The following PPP1R9A variants were observed in gnomAD, a reference collection of about 807,000 sequenced individuals.
The protein encoded by PPP1R9A is neurabin-1.
In PPP1R9A, 59 loss-of-function variants were observed where a neutral mutation model predicts 141.9. That is an observed-to-expected ratio of 0.42 (90% CI 0.34 to 0.52). The LOEUF is 0.52. Ranked by LOEUF, PPP1R9A falls within the 20% of genes least tolerant of loss-of-function variation. PPP1R9A has a pLI of 0.10. For synonymous variants in PPP1R9A, 500 were observed against 569.7 expected (o/e 0.88, Z 1.74); for missense variants, 1,444 against 1,611.9 (o/e 0.90, Z 1.78).
chr7:95,135,003 C>G (rs1825388571), intron 4 of PPP1R9A, among the ~76,000 whole-genome samples: 1 of 152,164 alleles, frequency 6.6e-6, no homozygotes, highest in Non-Finnish European at 1.5e-5. Flanking sequence ...CATCTATTCT[C>G]AGTCTTCTTG....
At chr7:95,047,301 T>G (rs532346901) in intron 2 of PPP1R9A, among the ~76,000 whole-genome samples, 2 of 152,316 alleles carry the variant, frequency 1.3e-5, no homozygotes, top group African/African-American at 4.8e-5. Context: ...TAGAGTACAT[T>G]TTTTAGTTGA....
intron 16 of PPP1R9A, among the ~76,000 whole-genome samples, chr7:95,276,000 C>T (rs1803114532): frequency 1.3e-5 from 2 of 151,862 alleles, no homozygotes; most frequent in South Asian, 2.1e-4. Context: ...TTGTGTGGTT[C>T]GGGAGTGAGA....
chr7:95,209,807 T>C lies in PPP1R9A; in HGVS notation c.1956+6077T>C, dbSNP rs115057779. On this transcript the variant is annotated intron_variant, in intron 7 of 19. Transcript: ENST00000433360. ...AAACACCATATTTTTCAACATTCAA[T>C]TACTTGTACAATTATAGAATTACTA... is the stretch of plus-strand genomic sequence containing the variant. 8.8e-3 allele frequency among the ~76,000 whole-genome samples: 1,344 copies of C among 152,326 alleles called. 16 individuals carry two copies. The highest frequency in any genetic ancestry group is 0.031 in the African/African-American group (1,291 of 41,572).
intron 7 of PPP1R9A, among the ~76,000 whole-genome samples, chr7:95,212,810 T>C (rs1375022020): frequency 2.6e-5 from 4 of 152,184 alleles, no homozygotes. Flanking sequence ...AAGGAGAAAG[T>C]CCTGGGTTTC....
intron 7 of PPP1R9A, among the ~76,000 whole-genome samples, chr7:95,205,415 T>G (rs1790570970): frequency 6.6e-6 from 1 of 152,226 alleles, no homozygotes; most frequent in Non-Finnish European, 1.5e-5. Flanking sequence ...AATATTACAA[T>G]GATGAAACAC....
chr7:95,033,622 C>G (rs1001494029), intron 2 of PPP1R9A, among the ~76,000 whole-genome samples: 1 of 152,058 alleles, frequency 6.6e-6, no homozygotes, highest in Non-Finnish European at 1.5e-5. Flanking sequence ...TCTCCTGTAT[C>G]CTAAAAGTTT....
chr7:95,254,696 T>C (rs993092722), intron 12 of PPP1R9A, among the ~76,000 whole-genome samples: 1 of 151,860 alleles, frequency 6.6e-6, no homozygotes, highest in African/African-American at 2.4e-5. Context: ...AATGAAATAG[T>C]AAAAGGAAGG....
Position 95,290,409 on chromosome 7 carries a change from T to TG in PPP1R9A, c.*107dup. ...AAAAGAAACTAAATGATAAGGGTAA[T>TG]GCGGCTCTAGGCCGGCTGAGGAACT... On this transcript the variant is annotated 3_prime_UTR_variant, in exon 20 of 20. Coordinates refer to ENST00000433360, the MANE Select transcript of PPP1R9A (RefSeq NM_001166160.2). The TG allele has an allele frequency of 7.8e-7, 1 of 1,287,036 alleles. No individual in the cohort carries two copies. The highest frequency in any genetic ancestry group is 1.1e-6 in the Non-Finnish European group (1 of 949,124). The allele number at this position is 1,287,036 out of a possible 1,614,324, so 79.7% of individuals were successfully genotyped here. A position where few individuals can be genotyped will look rare whatever the true frequency, so the allele number is the denominator to read the frequency against.
chr7:95,109,138 G>A (rs113061856), intron 2 of PPP1R9A, among the ~76,000 whole-genome samples: 1 of 152,166 alleles, frequency 6.6e-6, no homozygotes, highest in African/African-American at 2.4e-5. Flanking sequence ...GTGTATGTGT[G>A]TGTATATATA....
At chr7:94,959,896 A>G (rs898645250) in intron 2 of PPP1R9A, among the ~76,000 whole-genome samples, 5 of 151,654 alleles carry the variant, frequency 3.3e-5, no homozygotes, top group African/African-American at 4.8e-5. Flanking sequence ...AATTTTCTCA[A>G]TTATTTGAGG....
chr7:95,196,604 A>G (rs1481567185), intron 5 of PPP1R9A, among the ~76,000 whole-genome samples: 1 of 152,158 alleles, frequency 6.6e-6, no homozygotes, highest in Non-Finnish European at 1.5e-5. Flanking sequence ...ATTGAATACA[A>G]TGGAAAACTA....
At chr7:95,004,428 A>G (rs184314902) in intron 2 of PPP1R9A, among the ~76,000 whole-genome samples, 6 of 152,168 alleles carry the variant, frequency 3.9e-5, no homozygotes, top group Non-Finnish European at 8.8e-5. Flanking sequence ...AAATCTTTAA[A>G]GAAAGCTTAC....
chr7:95,030,068 C>T (rs1807447503), intron 2 of PPP1R9A, among the ~76,000 whole-genome samples: 1 of 152,120 alleles, frequency 6.6e-6, no homozygotes, highest in East Asian at 1.9e-4. Flanking sequence ...GCCCTTTGAG[C>T]TCGTCCTTTA....
intron 2 of PPP1R9A, among the ~76,000 whole-genome samples, chr7:95,006,184 T>A (rs1033748856): frequency 6.7e-6 from 1 of 150,280 alleles, no homozygotes; most frequent in African/African-American, 2.5e-5. Flanking sequence ...TAAATTGAGA[T>A]CTTAAGAACT....
At chr7:95,067,813 A>G (rs1289557970) in intron 2 of PPP1R9A, among the ~76,000 whole-genome samples, 1 of 152,168 alleles carries the variant, frequency 6.6e-6, no homozygotes, top group Non-Finnish European at 1.5e-5. Flanking sequence ...ACACCTGTGT[A>G]TACCCAGGTA....
chr7:95,122,849 G>C (rs577937486), intron 4 of PPP1R9A, among the ~76,000 whole-genome samples: 24 of 152,096 alleles, frequency 1.6e-4, no homozygotes, highest in Middle Eastern at 3.4e-3. Context: ...TTCCAAGAGA[G>C]CTAAAACTTG....
chr7:95,004,778 A>G (rs1410755731), intron 2 of PPP1R9A, among the ~76,000 whole-genome samples: 1 of 152,170 alleles, frequency 6.6e-6, no homozygotes, highest in Non-Finnish European at 1.5e-5. Context: ...CATTGGTTAA[A>G]TATACTCCTG....
intron 7 of PPP1R9A, among the ~76,000 whole-genome samples, chr7:95,204,254 A>G (rs1790211115): frequency 2.6e-5 from 4 of 152,196 alleles, no homozygotes; most frequent in Non-Finnish European, 5.9e-5. Context: ...ATGATACTAT[A>G]CTTTAAATAA....
At chr7:95,141,033 A>G (rs1186028211) in intron 4 of PPP1R9A, among the ~76,000 whole-genome samples, 2 of 152,188 alleles carry the variant, frequency 1.3e-5, no homozygotes, top group Non-Finnish European at 2.9e-5. Context: ...ATTAGTTTTA[A>G]TGAAACCACC....
Sources: allele counts gnomAD v4.1 joint callset (sites outside exome capture counted in the v4.1 genomes callset), GRCh38; gene constraint gnomAD v4.1.1; transcripts MANE v1.5; gene names NCBI Gene and HGNC (gene_info 2026-07-23, HGNC 2026-07-21).